IMPG2: variants seen among roughly 807,000 people sequenced by gnomAD.
IMPG2 encodes interphotoreceptor matrix proteoglycan 2.
Under a neutral mutation model 129.2 loss-of-function variants are expected in IMPG2, and 91 were observed. That is an observed-to-expected ratio of 0.70 (90% CI 0.59 to 0.84). IMPG2 has a LOEUF of 0.84. IMPG2 is among the 40% of genes least tolerant of loss of function. The pLI, the probability that IMPG2 is intolerant of heterozygous loss-of-function variation, is 0.00. For missense variants in IMPG2, 1,430 were observed against 1,461.7 expected (o/e 0.98, Z 0.35); for synonymous variants, 510 against 517.7 (o/e 0.99, Z 0.20).
chr3:101,280,447 T>A (rs1706880411), intron 4 of IMPG2, among the ~76,000 whole-genome samples: 1 of 152,228 alleles, frequency 6.6e-6, no homozygotes, highest in South Asian at 2.1e-4. Context: ...GGAAATACCT[T>A]AGTTGCTCTG....
At chr3:101,290,326 G>A (rs1706993967) in intron 4 of IMPG2, among the ~76,000 whole-genome samples, 1 of 151,994 alleles carries the variant, frequency 6.6e-6, no homozygotes, top group African/African-American at 2.4e-5. Flanking sequence ...GGACAACATA[G>A]CAAAACCCTG....
At position 101,229,410 on chromosome 3, in the gene IMPG2, C is replaced by G; in HGVS notation, c.3603G>C (p.Gln1201His). ...IGGLSREEIRQMYESSELSRE... is the reference protein window; with the variant it reads ...IGGLSREEIRHMYESSELSRE... ...TGGAAAGCTCACTGCTCTCATACAT[C>G]TGTCTGATTTCTTCTCTGCTCAGCC... The change falls in exon 17 of 19, where the codon CAG becomes CAC. Residue 1201 changes from glutamine to histidine, a missense_variant. By Grantham distance (24) the Gln-to-His change is conservative. Coordinates refer to ENST00000193391, the MANE Select transcript of IMPG2 (RefSeq NM_016247.4). 6.5e-7 allele frequency: 1 copy of G among 1,543,604 alleles called. No individual in the cohort carries two copies. Among genetic ancestry groups the G allele is most frequent in the Non-Finnish European group, 8.8e-7 (1 of 1,136,194 alleles).
intron 17 of IMPG2, 54 bp from the exon 18 acceptor site, chr3:101,228,930 G>T: frequency 7.6e-7 from 1 of 1,314,920 alleles, no homozygotes; most frequent in Non-Finnish European, 1.1e-6. Context: ...AACCTCAACA[G>T]CCTTTTAAAA....
At chr3:101,245,646 AAATTT>A (rs1192717692) in intron 12 of IMPG2, among the ~76,000 whole-genome samples, 151 bp downstream of exon 12, 1 of 152,182 alleles carries the variant, frequency 6.6e-6, no homozygotes. Flanking sequence ...CCAACAAATT[AAATTT>A]GATTGTTTCC....
chr3:101,233,284 T>A (rs1706310759), intron 14 of IMPG2, among the ~76,000 whole-genome samples: 1 of 152,248 alleles, frequency 6.6e-6, no homozygotes, highest in African/African-American at 2.4e-5. Flanking sequence ...ATCCATGCCA[T>A]GTAATTGCAG....
chr3:101,247,396 G>A (rs1017936164), intron 11 of IMPG2, among the ~76,000 whole-genome samples: 8 of 152,272 alleles, frequency 5.3e-5, no homozygotes, highest in Admixed American at 3.3e-4. Flanking sequence ...TTGGGAGTTC[G>A]AGGCCAGCCT....
At chr3:101,275,507 C>A (rs528871175) in intron 6 of IMPG2, among the ~76,000 whole-genome samples, 156 bp downstream of exon 6, 6 of 152,176 alleles carry the variant, frequency 3.9e-5, no homozygotes, top group Non-Finnish European at 8.8e-5. Context: ...CAAGGAATCT[C>A]AAAATTGTTT....
chr3:101,252,463 A>C (rs1706555037), intron 11 of IMPG2, among the ~76,000 whole-genome samples: 1 of 152,054 alleles, frequency 6.6e-6, no homozygotes, highest in South Asian at 2.1e-4. Context: ...CCCTGGATGG[A>C]CCTCTTGGAC....
chr3:101,244,892 G>C (rs1237998030), intron 12 of IMPG2, 105 bp from the exon 13 acceptor site: 9 of 963,802 alleles, frequency 9.3e-6, no homozygotes, highest in African/African-American at 1.6e-5. Flanking sequence ...AAGTTAAGAG[G>C]GACAATTGTT....
rs193247237 is a variant in IMPG2 at position 101,290,721 on chromosome 3, A to G, written c.533+758T>C. Among the ~76,000 whole-genome samples, 5 of 152,114 alleles carry G rather than the reference A, an allele frequency of 3.3e-5. 1 individual carries two copies. In the East Asian group the frequency reaches 9.7e-4, roughly 29 times the overall value. The stretch of plus-strand genomic sequence containing the variant: ...CCACTACCACCCACATATATATTCC[A>G]TTTATGGTTTTGCCCTGACTCTGAT... On this transcript the variant is annotated intron_variant, in intron 4 of 18. Coordinates refer to ENST00000193391, the MANE Select transcript of IMPG2 (RefSeq NM_016247.4).
At chr3:101,302,036 G>A (rs377687486) in intron 3 of IMPG2, among the ~76,000 whole-genome samples, 2 of 152,130 alleles carry the variant, frequency 1.3e-5, no homozygotes, top group East Asian at 1.9e-4. Context: ...TATATTGACC[G>A]AGGTCATTCC....
At chr3:101,242,373 T>C (rs1258359635) in intron 14 of IMPG2, among the ~76,000 whole-genome samples, 1 of 152,152 alleles carries the variant, frequency 6.6e-6, no homozygotes, top group African/African-American at 2.4e-5. Context: ...GGCCCAAACC[T>C]TGCAGTGACA....
chr3:101,226,814 A>T lies in IMPG2; in HGVS notation c.*155T>A. ...ATCTCTTACTACATTCTGAAAACTT[A>T]AGCTGAAAAAAAAACAGTGTGCCCT... is the stretch of plus-strand genomic sequence containing the variant. On this transcript the variant is annotated 3_prime_UTR_variant, in exon 19 of 19. Coordinates refer to ENST00000193391, the MANE Select transcript of IMPG2 (RefSeq NM_016247.4). The T allele has an allele frequency of 1.4e-6, 1 of 706,528 alleles. No individual in the cohort carries two copies. Among genetic ancestry groups the T allele is most frequent in the Non-Finnish European group, 2.4e-6 (1 of 411,512 alleles). The allele number at this position is 706,528 out of a possible 1,614,324, so 43.8% of individuals were successfully genotyped here.
intron 14 of IMPG2, among the ~76,000 whole-genome samples, chr3:101,233,588 A>T (rs2107208711): frequency 6.6e-6 from 1 of 152,320 alleles, no homozygotes; most frequent in Admixed American, 6.5e-5. Context: ...TTCCAACAAA[A>T]TATTTTTGCC....
At chr3:101,306,673 T>C (rs1477206622) in intron 2 of IMPG2, among the ~76,000 whole-genome samples, 1 of 151,712 alleles carries the variant, frequency 6.6e-6, no homozygotes, top group African/African-American at 2.4e-5. Flanking sequence ...AAACAATGTT[T>C]GAAAAAAATA....
At chr3:101,294,052 G>A (rs945514866) in intron 3 of IMPG2, among the ~76,000 whole-genome samples, 1 of 152,076 alleles carries the variant, frequency 6.6e-6, no homozygotes, top group Non-Finnish European at 1.5e-5. Flanking sequence ...CACTGGAATA[G>A]CACTTTAAAT....
intron 11 of IMPG2, among the ~76,000 whole-genome samples, chr3:101,249,700 T>C (rs1009902995): frequency 6.6e-6 from 1 of 151,066 alleles, no homozygotes; most frequent in Non-Finnish European, 1.5e-5. Context: ...CCAGAGGCCA[T>C]CATCAAATGA....
chr3:101,246,047 G>A lies in IMPG2; in HGVS notation c.1298C>T (p.Pro433Leu), dbSNP rs1243396074. ...AGGACCAGAGCTGAAATCAAGTGGT[G>A]GAATACTGCTGGTGATGGATTCATC... The part of the protein sequence containing the change: ...SADESITSSI[P>L]PLDFSSGPPS... Residue 433 changes from proline (P) to leucine (L), a missense_variant, in exon 12 of 19, where the codon CCA becomes CTA. Transcript: ENST00000193391. The A allele has an allele frequency of 1.2e-6, 2 of 1,613,960 alleles. No homozygotes were observed. The highest frequency in any genetic ancestry group is 1.7e-6 in the Non-Finnish European group (2 of 1,180,000).
At chr3:101,288,864 A>G (rs1202807817) in intron 4 of IMPG2, among the ~76,000 whole-genome samples, 2 of 152,112 alleles carry the variant, frequency 1.3e-5, no homozygotes, top group African/African-American at 4.8e-5. Flanking sequence ...CCCTCTCTCT[A>G]TGTATGGGTG....
Sources: gnomAD v4.1 joint callset for allele counts (sites outside exome capture counted in the v4.1 genomes callset) on GRCh38, gnomAD v4.1.1 for gene constraint, MANE v1.5 for transcripts, NCBI Gene and HGNC (gene_info 2026-07-23, HGNC 2026-07-21) for gene names.